SPAG16: variants seen among roughly 807,000 people sequenced by gnomAD.
The protein encoded by SPAG16 is sperm-associated antigen 16 protein.
In SPAG16, 86 loss-of-function variants were observed where a neutral mutation model predicts 80.4. The observed-to-expected ratio is 1.07, with a 90% CI of 0.90 to 1.28. The LOEUF is 1.28. SPAG16 is among the 50% of genes most tolerant of loss of function. SPAG16 has a pLI of 0.00. For synonymous variants in SPAG16, 294 were observed against 265.9 expected (o/e 1.11, Z -1.03); for missense variants, 870 against 765.3 (o/e 1.14, Z -1.61).
intron 5 of SPAG16, among the ~76,000 whole-genome samples, chr2:213,331,000 G>A (rs916321984): frequency 6.6e-6 from 1 of 152,142 alleles, no homozygotes; most frequent in Admixed American, 6.5e-5. Flanking sequence ...CCTGCCATGT[G>A]GAACTGTTAA....
intron 14 of SPAG16, among the ~76,000 whole-genome samples, chr2:214,139,997 C>A (rs1274548974): frequency 1.3e-5 from 2 of 152,170 alleles, no homozygotes; most frequent in Non-Finnish European, 2.9e-5. Flanking sequence ...CCATCTTGGG[C>A]CAAACCAATA....
intron 10 of SPAG16, among the ~76,000 whole-genome samples, chr2:213,641,075 G>T (rs886888350): frequency 6.6e-6 from 1 of 152,148 alleles, no homozygotes; most frequent in Non-Finnish European, 1.5e-5. Context: ...AGGGTTAAGT[G>T]GGTCTGACCT....
intron 10 of SPAG16, among the ~76,000 whole-genome samples, chr2:213,544,879 T>C (rs1388391910): frequency 4.6e-5 from 7 of 152,136 alleles, no homozygotes; most frequent in African/African-American, 1.4e-4. Flanking sequence ...TGTTGAATGA[T>C]ATTCCATTGT....
At chr2:214,140,679 C>T (rs921391410) in intron 14 of SPAG16, among the ~76,000 whole-genome samples, 1 of 151,466 alleles carries the variant, frequency 6.6e-6, no homozygotes, top group Non-Finnish European at 1.5e-5. Context: ...CTTTATTATT[C>T]TTTAGTAATA....
chr2:213,703,021 C>A (rs1196413697), intron 10 of SPAG16, among the ~76,000 whole-genome samples: 1 of 152,132 alleles, frequency 6.6e-6, no homozygotes, highest in African/African-American at 2.4e-5. Context: ...GTGATATGGT[C>A]CATGAAATGT....
At chr2:213,973,026 A>T (rs2045161604) in intron 12 of SPAG16, among the ~76,000 whole-genome samples, 1 of 152,314 alleles carries the variant, frequency 6.6e-6, no homozygotes, top group South Asian at 2.1e-4. Flanking sequence ...TTTGACGATT[A>T]ATTCTGTGCT....
chr2:213,886,973 T>C (rs1180447403), intron 11 of SPAG16, among the ~76,000 whole-genome samples: 8 of 152,126 alleles, frequency 5.3e-5, no homozygotes, highest in Non-Finnish European at 7.4e-5. Flanking sequence ...CTTTCAGAGC[T>C]GGGAGTTGGA....
intron 12 of SPAG16, among the ~76,000 whole-genome samples, chr2:213,974,714 G>A (rs1179379133): frequency 6.6e-6 from 1 of 151,904 alleles, no homozygotes; most frequent in Non-Finnish European, 1.5e-5. Context: ...GTAACTCTCT[G>A]TTACACGTCT....
intron 9 of SPAG16, among the ~76,000 whole-genome samples, chr2:213,384,409 A>T (rs1227484784): frequency 6.6e-6 from 1 of 152,162 alleles, no homozygotes; most frequent in Admixed American, 6.6e-5. Context: ...TCTTACTGTG[A>T]GCCAGACCTG....
At chr2:213,930,827 T>A (rs149773414) in intron 12 of SPAG16, among the ~76,000 whole-genome samples, 2 of 152,330 alleles carry the variant, frequency 1.3e-5, no homozygotes, top group East Asian at 3.9e-4. Flanking sequence ...TACTATCAAA[T>A]ATGCTAATTC....
chr2:214,321,998 T>C (rs1696129370), intron 15 of SPAG16, among the ~76,000 whole-genome samples: 1 of 152,134 alleles, frequency 6.6e-6, no homozygotes, highest in Non-Finnish European at 1.5e-5. Context: ...ATAGATAACT[T>C]TTAAGTTTCA....
At chr2:214,115,588 G>C (rs1463672559) in intron 14 of SPAG16, among the ~76,000 whole-genome samples, 1 of 152,146 alleles carries the variant, frequency 6.6e-6, no homozygotes, top group African/African-American at 2.4e-5. Flanking sequence ...GGAATAAAAA[G>C]TAACCCTCAA....
chr2:213,701,434 G>A (rs1024195515), intron 10 of SPAG16, among the ~76,000 whole-genome samples: 5 of 152,066 alleles, frequency 3.3e-5, no homozygotes, highest in East Asian at 1.9e-4. Context: ...GCGCCTCCTC[G>A]GTCTCGGTGT....
At chr2:213,600,925 G>A (rs568670205) in intron 10 of SPAG16, among the ~76,000 whole-genome samples, 2 of 152,130 alleles carry the variant, frequency 1.3e-5, no homozygotes, top group African/African-American at 4.8e-5. Context: ...ATTTATTAGC[G>A]TGCAGGGAGG....
intron 10 of SPAG16, among the ~76,000 whole-genome samples, chr2:213,734,967 ATT>A (rs11291472): frequency 1.3e-5 from 2 of 151,462 alleles, no homozygotes; most frequent in Non-Finnish European, 2.9e-5. Flanking sequence ...CTTTCTAGAT[ATT>A]TTTTTTTCCT....
chr2:213,579,521 C>A (rs997835911), intron 10 of SPAG16, among the ~76,000 whole-genome samples: 2 of 152,072 alleles, frequency 1.3e-5, no homozygotes, highest in Non-Finnish European at 2.9e-5. Context: ...AATAAGTGCA[C>A]TCTCCTTGAT....
chr2:213,629,873 C>G (rs2062082168), intron 10 of SPAG16, among the ~76,000 whole-genome samples: 1 of 152,206 alleles, frequency 6.6e-6, no homozygotes. Flanking sequence ...GGGTCTGGCT[C>G]TCACTCTCAG....
chr2:213,866,361 T>G (rs191542167), intron 11 of SPAG16, among the ~76,000 whole-genome samples: 56 of 152,186 alleles, frequency 3.7e-4, no homozygotes, highest in Admixed American at 1.8e-3. Context: ...CAGTTGTATG[T>G]TTAAAAAGAG....
chr2:214,157,569 A>G (rs1175002971), intron 15 of SPAG16, among the ~76,000 whole-genome samples: 5 of 152,064 alleles, frequency 3.3e-5, no homozygotes, highest in Non-Finnish European at 5.9e-5. Context: ...TTTAGGGATA[A>G]TAGTCATAGT....
Sources: gnomAD v4.1 joint callset for allele counts (sites outside exome capture counted in the v4.1 genomes callset) on GRCh38, gnomAD v4.1.1 for gene constraint, MANE v1.5 for transcripts, NCBI Gene and HGNC (gene_info 2026-07-23, HGNC 2026-07-21) for gene names.